Variants in PLEKHH2 observed in about 807,000 individuals in gnomAD.
PLEKHH2 encodes the protein pleckstrin homology, MyTH4 and FERM domain containing H2.
PLEKHH2 carries 129 observed loss-of-function variants against 187.9 expected under a neutral mutation model. That is an observed-to-expected ratio of 0.69 (90% CI 0.59 to 0.79). The LOEUF (loss-of-function observed/expected upper bound fraction) is 0.79. PLEKHH2 is among the 30% of genes least tolerant of loss of function. The pLI, the probability that PLEKHH2 is intolerant of heterozygous loss-of-function variation, is 0.00. For synonymous variants in PLEKHH2, 686 were observed against 605.6 expected (o/e 1.13, Z -1.95); for missense variants, 2,076 against 1,751.2 (o/e 1.19, Z -3.31).
chr2:43,651,602 A>T (rs1237554704), intron 2 of PLEKHH2, among the ~76,000 whole-genome samples: 1 of 152,136 alleles, frequency 6.6e-6, no homozygotes. Context: ...TGATTTTCAT[A>T]TAGTTCTGTA....
At chr2:43,704,187 A>G in intron 9 of PLEKHH2, 131 bp downstream of exon 9, 1 of 607,804 alleles carries the variant, frequency 1.6e-6, no homozygotes, top group Non-Finnish European at 2.7e-6. Flanking sequence ...GAGGTGTTTA[A>G]AGGGTCAAAT....
At chr2:43,754,869 CT>C (rs3066318) in intron 25 of PLEKHH2, among the ~76,000 whole-genome samples, 8,010 of 108,652 alleles carry the variant, frequency 0.074, 122 homozygotes, top group Middle Eastern at 0.16. Context: ...TTAAAATCAA[CT>C]TTTTTTTTTT....
chr2:43,726,029 G>A (rs903956434), intron 16 of PLEKHH2, among the ~76,000 whole-genome samples: 19 of 150,836 alleles, frequency 1.3e-4, no homozygotes, highest in Non-Finnish European at 1.5e-4. Flanking sequence ...GAGATGGAAG[G>A]ATCCCTGAAG....
intron 2 of PLEKHH2, among the ~76,000 whole-genome samples, chr2:43,655,176 A>T (rs2104361366): frequency 6.6e-6 from 1 of 152,064 alleles, no homozygotes; most frequent in African/African-American, 2.4e-5. Flanking sequence ...TGGGCTAAAA[A>T]ATAAATAAAA....
intron 2 of PLEKHH2, among the ~76,000 whole-genome samples, chr2:43,672,265 T>C (rs1667531112): frequency 6.6e-6 from 1 of 152,232 alleles, no homozygotes; most frequent in South Asian, 2.1e-4. Context: ...GTCTTTTTTC[T>C]TTTTTGCTTT....
At chr2:43,749,427 C>G (rs1225851686) in intron 24 of PLEKHH2, among the ~76,000 whole-genome samples, 1 of 152,168 alleles carries the variant, frequency 6.6e-6, no homozygotes, top group Non-Finnish European at 1.5e-5. Flanking sequence ...CCAAGCAGCT[C>G]CCCGACCACC....
intron 2 of PLEKHH2, chr2:43,658,569 G>C (rs558519922): frequency 6.6e-6 from 1 of 152,204 alleles, no homozygotes; most frequent in Non-Finnish European, 1.5e-5. Flanking sequence ...GGAGCTGGAG[G>C]GTTCACTTTC....
intron 8 of PLEKHH2, among the ~76,000 whole-genome samples, chr2:43,702,527 C>CTTTTTTCTTTTTTTT: frequency 1.7e-5 from 1 of 57,418 alleles, no homozygotes; most frequent in Non-Finnish European, 3.0e-5. Flanking sequence ...CATTCTACTA[C>CTTTTTTCTTTTTTTT]TTTTTTTTTT....
intron 20 of PLEKHH2, among the ~76,000 whole-genome samples, chr2:43,740,226 A>C (rs867518545): frequency 6.6e-6 from 1 of 152,198 alleles, no homozygotes; most frequent in South Asian, 2.1e-4. Context: ...TATTTACTCT[A>C]ATGAGTTTGT....
intron 3 of PLEKHH2, chr2:43,681,465 C>T (rs769223393): frequency 1.3e-6 from 2 of 1,545,906 alleles, no homozygotes; most frequent in Non-Finnish European, 1.7e-6. Flanking sequence ...CTCTTCCTCT[C>T]CTTTTCCATC....
chr2:43,652,713 C>T (rs62138784), intron 2 of PLEKHH2, among the ~76,000 whole-genome samples: 26,310 of 152,152 alleles, frequency 0.17, 2,376 homozygotes, highest in Middle Eastern at 0.29. Flanking sequence ...TAGTCCTTCA[C>T]CCTTAAACCT....
chr2:43,725,922 G>A (rs1333059408), intron 16 of PLEKHH2, among the ~76,000 whole-genome samples: 4 of 151,786 alleles, frequency 2.6e-5, no homozygotes, highest in Non-Finnish European at 5.9e-5. Context: ...ACTGGCCTGG[G>A]CAATGTAGCA....
chr2:43,722,384 G>T (rs1259417849), intron 16 of PLEKHH2, among the ~76,000 whole-genome samples: 5 of 152,096 alleles, frequency 3.3e-5, no homozygotes, highest in Non-Finnish European at 7.4e-5. Flanking sequence ...GCCAATGAAG[G>T]TCAGAGAAGA....
At position 43,762,343 on chromosome 2, in the gene PLEKHH2, C is replaced by T. The variant is rs770489874; in HGVS notation, c.4111C>T (p.Leu1371=). ...ATCACTTGGAAGTACTTTCTTGTGG[C>T]TGGCTGTACATGAGGATGGTTTAAG... ...PSSLGSTFLW[L]AVHEDGLSLL... is the part of the protein sequence containing the mutation. Residue 1371 remains leucine (L), a synonymous_variant, in exon 28 of 30, where the codon CTG becomes TTG. Transcript: ENST00000282406. The T allele has an allele frequency of 6.2e-7, 1 of 1,613,158 alleles. No individual in the cohort carries two copies. Among genetic ancestry groups the T allele is most frequent in the Non-Finnish European group, 8.5e-7 (1 of 1,179,360 alleles).
At chr2:43,741,773 G>A (rs942110205) in intron 21 of PLEKHH2, among the ~76,000 whole-genome samples, 2 of 152,152 alleles carry the variant, frequency 1.3e-5, no homozygotes, top group Admixed American at 6.5e-5. Context: ...GAGGAGCCCC[G>A]AGACCAAGGA....
intron 24 of PLEKHH2, 63 bp from the exon 25 acceptor site, chr2:43,753,556 A>AT (rs1190899682): frequency 3.5e-5 from 46 of 1,318,858 alleles, no homozygotes; most frequent in Non-Finnish European, 1.2e-5. Context: ...CTCTGGATTT[A>AT]TCTTTACTTT....
At chr2:43,651,569 C>T (rs1036517909) in intron 2 of PLEKHH2, among the ~76,000 whole-genome samples, 1 of 151,192 alleles carries the variant, frequency 6.6e-6, no homozygotes, top group Non-Finnish European at 1.5e-5. Context: ...ATTTTTGTGT[C>T]TTTTTTTTTG....
Position 43,707,307 on chromosome 2 carries a change from T to C in PLEKHH2, c.1822-94T>C. The C allele has an allele frequency of 2.1e-6, 3 of 1,462,714 alleles. No homozygotes were observed. The South Asian group carries it at 3.8e-5, about 19-fold the overall frequency. 90.6% of individuals were successfully genotyped at this position (1,462,714 alleles called of 1,614,324 possible). ...GGATACAGGGAGGTTGCTCTGCTTT[T>C]CTTTAGGAGGCGACCCTAATAACTA... On this transcript the variant is annotated intron_variant, in intron 10 of 29. Transcript: ENST00000282406.
intron 2 of PLEKHH2, among the ~76,000 whole-genome samples, chr2:43,660,158 G>A (rs1319018093): frequency 6.6e-6 from 1 of 152,000 alleles, no homozygotes; most frequent in East Asian, 1.9e-4. Flanking sequence ...TTTAGTGAAT[G>A]GCCTCTATCG....
Sources: gnomAD v4.1 joint callset for allele counts (sites outside exome capture counted in the v4.1 genomes callset) on GRCh38, gnomAD v4.1.1 for gene constraint, MANE v1.5 for transcripts, NCBI Gene and HGNC (gene_info 2026-07-23, HGNC 2026-07-21) for gene names.